The following TBC1D5 variants were observed in gnomAD, a reference collection of about 807,000 sequenced individuals.
TBC1D5 encodes TBC1 domain family, member 5.
A neutral mutation model predicts 100.3 loss-of-function variants in TBC1D5; 75 were observed. The ratio of observed to expected loss-of-function variants is 0.75; its 90% CI spans 0.62 to 0.91. The LOEUF (loss-of-function observed/expected upper bound fraction) is 0.91. TBC1D5 is among the 40% of genes least tolerant of loss of function. TBC1D5 has a pLI of 0.00. For missense variants in TBC1D5, 910 were observed against 942.4 expected (o/e 0.97, Z 0.45); for synonymous variants, 323 against 325.6 (o/e 0.99, Z 0.09).
intron 4 of TBC1D5, among the ~76,000 whole-genome samples, chr3:17,415,063 C>G (rs2094030563): frequency 6.6e-6 from 1 of 152,092 alleles, no homozygotes; most frequent in African/African-American, 2.4e-5. Flanking sequence ...ATTGAGAAAC[C>G]TTGAGCCTTC....
intron 2 of TBC1D5, among the ~76,000 whole-genome samples, chr3:17,561,113 T>C (rs572841051): frequency 3.3e-5 from 5 of 152,230 alleles, no homozygotes; most frequent in African/African-American, 1.2e-4. Context: ...GCTTCTGCAG[T>C]GGCTGGCAAA....
chr3:17,418,522 C>T (rs1401708789), intron 4 of TBC1D5, among the ~76,000 whole-genome samples: 1 of 151,980 alleles, frequency 6.6e-6, no homozygotes, highest in Non-Finnish European at 1.5e-5. Context: ...GCATGAGAAT[C>T]ACTTGAACCC....
At chr3:17,590,062 C>T (rs992542814) in intron 2 of TBC1D5, among the ~76,000 whole-genome samples, 3 of 152,196 alleles carry the variant, frequency 2.0e-5, no homozygotes, top group African/African-American at 7.2e-5. Context: ...CCCACTCCCC[C>T]CTACAACATT....
At chr3:17,211,864 G>C (rs915587436) in intron 18 of TBC1D5, among the ~76,000 whole-genome samples, 6 of 152,152 alleles carry the variant, frequency 3.9e-5, no homozygotes, top group Non-Finnish European at 4.4e-5. Context: ...GTTCCTCTCT[G>C]CTCTTTTATA....
At chr3:17,276,555 G>A (rs1213803118) in intron 15 of TBC1D5, among the ~76,000 whole-genome samples, 1 of 152,120 alleles carries the variant, frequency 6.6e-6, no homozygotes, top group East Asian at 1.9e-4. Context: ...GAGATGACTT[G>A]GCTTTTCTGA....
intron 16 of TBC1D5, among the ~76,000 whole-genome samples, chr3:17,251,271 T>C (rs1214870313): frequency 6.6e-6 from 1 of 152,194 alleles, no homozygotes; most frequent in Non-Finnish European, 1.5e-5. Flanking sequence ...ACTTAAGGCC[T>C]AGGATGCTTT....
At chr3:17,421,423 T>A (rs930318306) in intron 4 of TBC1D5, among the ~76,000 whole-genome samples, 1 of 152,196 alleles carries the variant, frequency 6.6e-6, no homozygotes, top group Non-Finnish European at 1.5e-5. Flanking sequence ...AAGAAGCGAT[T>A]ATATAAAAGT....
At chr3:17,252,571 T>C (rs1430621464) in intron 16 of TBC1D5, among the ~76,000 whole-genome samples, 1 of 152,206 alleles carries the variant, frequency 6.6e-6, no homozygotes. Context: ...TCCACATTCC[T>C]CAGCAGGATT....
At chr3:17,469,340 CT>C (rs747417214) in intron 3 of TBC1D5, among the ~76,000 whole-genome samples, 1 of 152,096 alleles carries the variant, frequency 6.6e-6, no homozygotes, top group Non-Finnish European at 1.5e-5. Flanking sequence ...AAAGAAATTT[CT>C]TATGACCATA....
chr3:17,204,116 G>T (rs185792407), intron 18 of TBC1D5, among the ~76,000 whole-genome samples: 1 of 152,324 alleles, frequency 6.6e-6, no homozygotes, highest in African/African-American at 2.4e-5. Flanking sequence ...TTACACAGGT[G>T]TTCAAAGGAT....
intron 1 of TBC1D5, among the ~76,000 whole-genome samples, chr3:17,690,877 TAGAC>T (rs1306453790): frequency 1.3e-5 from 2 of 152,122 alleles, no homozygotes; most frequent in African/African-American, 4.8e-5. Flanking sequence ...AAATTGTAGA[TAGAC>T]AGGGACACTG....
chr3:17,326,060 C>T (rs1268460080), intron 13 of TBC1D5, among the ~76,000 whole-genome samples: 1 of 152,038 alleles, frequency 6.6e-6, no homozygotes, highest in Non-Finnish European at 1.5e-5. Flanking sequence ...TCATAGAGCA[C>T]TAAGAACGTA....
chr3:17,349,712 A>C (rs1474611882), intron 13 of TBC1D5, among the ~76,000 whole-genome samples: 5 of 152,192 alleles, frequency 3.3e-5, no homozygotes, highest in Non-Finnish European at 7.3e-5. Flanking sequence ...CTTTCCATTA[A>C]ATTCTTAATG....
At chr3:17,569,048 G>A (rs1576759833) in intron 2 of TBC1D5, among the ~76,000 whole-genome samples, 1 of 151,742 alleles carries the variant, frequency 6.6e-6, no homozygotes, top group South Asian at 2.1e-4. Flanking sequence ...ATAAAGATTT[G>A]TAGCCATACA....
At chr3:17,619,333 G>A (rs1477785709) in intron 2 of TBC1D5, among the ~76,000 whole-genome samples, 4 of 151,788 alleles carry the variant, frequency 2.6e-5, no homozygotes, top group Non-Finnish European at 4.4e-5. Flanking sequence ...AGATATGAGG[G>A]GACTATCTCA....
At chr3:17,674,684 C>A (rs929802566) in intron 1 of TBC1D5, among the ~76,000 whole-genome samples, 2 of 151,866 alleles carry the variant, frequency 1.3e-5, no homozygotes, top group East Asian at 3.8e-4. Flanking sequence ...TTTTCTAGGA[C>A]CTTCCTGCAC....
At chr3:17,269,979 A>C (rs1263589315) in intron 15 of TBC1D5, among the ~76,000 whole-genome samples, 2 of 152,188 alleles carry the variant, frequency 1.3e-5, no homozygotes, top group Non-Finnish European at 2.9e-5. Context: ...TCTTTTACTT[A>C]GAATGATATA....
chr3:17,240,294 A>G (rs1451330351), intron 16 of TBC1D5, among the ~76,000 whole-genome samples: 1 of 152,198 alleles, frequency 6.6e-6, no homozygotes, highest in Middle Eastern at 3.2e-3. Context: ...TAAAAGAAAG[A>G]TCGATTCATT....
At chr3:17,543,901 C>A (rs2096386026) in intron 2 of TBC1D5, among the ~76,000 whole-genome samples, 1 of 150,984 alleles carries the variant, frequency 6.6e-6, no homozygotes, top group African/African-American at 2.4e-5. Context: ...CAGAGTCTTG[C>A]TCTGTCTCCA....
Sources: allele counts gnomAD v4.1 joint callset (sites outside exome capture counted in the v4.1 genomes callset), GRCh38; gene constraint gnomAD v4.1.1; transcripts MANE v1.5; gene names NCBI Gene and HGNC (gene_info 2026-07-23, HGNC 2026-07-21).